Variants in EGF observed in about 807,000 individuals in gnomAD.
EGF encodes the protein pro-epidermal growth factor.
Under a neutral mutation model 143.8 loss-of-function variants are expected in EGF, and 95 were observed. The ratio of observed to expected loss-of-function variants is 0.66; its 90% confidence interval spans 0.56 to 0.78. The LOEUF (loss-of-function observed/expected upper bound fraction) is 0.78, where lower values mean the gene tolerates loss of function less well. EGF is among the 30% of genes least tolerant of loss of function. EGF has a pLI of 0.00. For synonymous variants in EGF, 510 were observed against 510.5 expected (o/e 1.00, Z 0.01); for missense variants, 1,320 against 1,470.9 (o/e 0.90, Z 1.68).
intron 21 of EGF, among the ~76,000 whole-genome samples, chr4:110,000,504 A>T (rs1161709201): frequency 6.6e-6 from 1 of 152,066 alleles, no homozygotes; most frequent in African/African-American, 2.4e-5. Context: ...CATTGAGTTG[A>T]TTTTCCACAA....
intron 21 of EGF, chr4:110,001,807 A>G: frequency 4.1e-6 from 4 of 985,450 alleles, no homozygotes; most frequent in Non-Finnish European, 4.8e-6. Flanking sequence ...CTATTCCTTC[A>G]AAAAGAAAGC....
chr4:110,001,093 C>G (rs1005275442), intron 21 of EGF, among the ~76,000 whole-genome samples: 1 of 152,202 alleles, frequency 6.6e-6, no homozygotes, highest in Non-Finnish European at 1.5e-5. Flanking sequence ...GCTCTGGAAT[C>G]AGATTATACA....
chr4:109,933,627 G>A (rs1032025276), intron 1 of EGF, among the ~76,000 whole-genome samples: 1 of 152,068 alleles, frequency 6.6e-6, no homozygotes, highest in Non-Finnish European at 1.5e-5. Context: ...ATGTGTCCAT[G>A]TGTTCTCATT....
chr4:109,938,607 G>T (rs1447211432), intron 1 of EGF, among the ~76,000 whole-genome samples: 1 of 152,156 alleles, frequency 6.6e-6, no homozygotes, highest in African/African-American at 2.4e-5. Context: ...TCTGGTTTTT[G>T]GAATTTTCAG....
chr4:109,991,113 C>T (rs1454581457), intron 18 of EGF, among the ~76,000 whole-genome samples: 2 of 151,988 alleles, frequency 1.3e-5, no homozygotes, highest in Non-Finnish European at 2.9e-5. Context: ...CAGTGTTGTC[C>T]CAAAGTTTCT....
chr4:109,952,346 C>T (rs1744081077), intron 5 of EGF, among the ~76,000 whole-genome samples: 1 of 152,158 alleles, frequency 6.6e-6, no homozygotes, highest in Non-Finnish European at 1.5e-5. Context: ...TTATTTATTA[C>T]TAACACTGTG....
intron 2 of EGF, among the ~76,000 whole-genome samples, chr4:109,941,863 T>TA (rs1741990624): frequency 6.6e-6 from 1 of 152,268 alleles, no homozygotes; most frequent in Non-Finnish European, 1.5e-5. Context: ...TCTTTCTTTT[T>TA]AGCTGGTAGA....
intron 1 of EGF, among the ~76,000 whole-genome samples, chr4:109,918,290 G>C (rs966202363): frequency 7.3e-5 from 11 of 150,928 alleles, no homozygotes; most frequent in African/African-American, 2.0e-4. Flanking sequence ...AGTAAAGGTG[G>C]GTTATTCATA....
At chr4:110,001,856 T>A in intron 21 of EGF, 2 of 985,410 alleles carry the variant, frequency 2.0e-6, no homozygotes, top group South Asian at 9.4e-5. Context: ...CTGAAATGCA[T>A]CCAGAGTTGT....
At position 109,943,244 on chromosome 4, in the gene EGF, G is replaced by T. The variant is rs2126007091; in HGVS notation, c.328-10G>T. On this transcript the variant is annotated splice_polypyrimidine_tract_variant and intron_variant, in intron 2 of 23. Transcript: ENST00000265171. ...AGTATTAATAACAATTTTAAAATTT[G>T]ATTTTGCAGAGAGTATGTAATATAG... is the stretch of plus-strand genomic sequence containing the variant. 6.4e-7 allele frequency: 1 copy of T among 1,563,520 alleles called. No homozygotes were observed. Among genetic ancestry groups the T allele is most frequent in the South Asian group, 1.2e-5 (1 of 82,762 alleles).
intron 1 of EGF, among the ~76,000 whole-genome samples, chr4:109,936,492 G>A (rs1039944763): frequency 6.6e-6 from 1 of 151,874 alleles, no homozygotes; most frequent in Non-Finnish European, 1.5e-5. Flanking sequence ...TCAAAAAAAC[G>A]AGTTCCTGGA....
chr4:109,987,469 G>T (rs1343342001), intron 16 of EGF, among the ~76,000 whole-genome samples: 1 of 152,060 alleles, frequency 6.6e-6, no homozygotes, highest in Non-Finnish European at 1.5e-5. Context: ...GTTTCACCAT[G>T]TTGCCCAGGC....
At chr4:109,959,478 T>A in intron 6 of EGF, 41 bp downstream of exon 6, 1 of 1,611,610 alleles carries the variant, frequency 6.2e-7, no homozygotes, top group Non-Finnish European at 8.5e-7. Context: ...GAAGAGTCGC[T>A]GCTTGAGGGG....
At chr4:109,931,455 C>A (rs1429974343) in intron 1 of EGF, among the ~76,000 whole-genome samples, 2 of 152,122 alleles carry the variant, frequency 1.3e-5, no homozygotes, top group Non-Finnish European at 2.9e-5. Context: ...ATGTGACAAC[C>A]CAGACCAAGG....
intron 5 of EGF, 33 bp downstream of exon 5, chr4:109,945,308 C>G: frequency 1.3e-6 from 2 of 1,597,254 alleles, no homozygotes; most frequent in Non-Finnish European, 1.7e-6. Context: ...CAGGGCCTGA[C>G]ACATAGTTCC....
chr4:109,956,047 G>T (rs1025779965), intron 5 of EGF, among the ~76,000 whole-genome samples: 1 of 152,170 alleles, frequency 6.6e-6, no homozygotes, highest in Non-Finnish European at 1.5e-5. Flanking sequence ...TAGACAGTTT[G>T]ATTCTCTGTT....
At chr4:109,991,350 C>T (rs965806909) in intron 18 of EGF, among the ~76,000 whole-genome samples, 1 of 152,140 alleles carries the variant, frequency 6.6e-6, no homozygotes, top group Non-Finnish European at 1.5e-5. Context: ...GTACTCAATA[C>T]TCTCAAATGG....
chr4:109,974,809 T>C lies in EGF; in HGVS notation c.1829+2T>C. Reference sequence around the variant, plus strand: ...AATTGCTGTTCATCCAATGGCCAAGTAGGTATTTGTAAAAATAAGGCACTG... The same window carrying C: ...AATTGCTGTTCATCCAATGGCCAAGCAGGTATTTGTAAAAATAAGGCACTG... On this transcript the variant is annotated splice_donor_variant, in intron 12 of 23. Transcript: ENST00000265171. LOFTEE classifies it high-confidence loss of function. 1 of 1,608,904 alleles carries C rather than the reference T, an allele frequency of 6.2e-7. No homozygotes were observed. The highest frequency in any genetic ancestry group is 1.3e-5 in the African/African-American group (1 of 74,898).
At chr4:109,994,533 A>G (rs1035796784) in intron 19 of EGF, among the ~76,000 whole-genome samples, 200 bp from the exon 20 acceptor site, 1 of 152,178 alleles carries the variant, frequency 6.6e-6, no homozygotes, top group African/African-American at 2.4e-5. Flanking sequence ...GATAATACTG[A>G]GCCCAAAGGA....
Sources: gnomAD v4.1 joint callset for allele counts (sites outside exome capture counted in the v4.1 genomes callset) on GRCh38, gnomAD v4.1.1 for gene constraint, MANE v1.5 for transcripts, NCBI Gene and HGNC (gene_info 2026-07-23, HGNC 2026-07-21) for gene names.